The following NYAP2 variants were observed in gnomAD, a reference collection of about 807,000 sequenced individuals.
NYAP2 encodes neuronal tyrosine-phosphorylated phosphoinositide-3-kinase adaptor 2, also known as neuronal tyrosine-phosphorylated phosphoinositide-3-kinase adapter 2.
In NYAP2, 23 loss-of-function variants were observed where a neutral mutation model predicts 50.4. The observed-to-expected ratio is 0.46, with a 90% CI of 0.33 to 0.65. NYAP2 has a LOEUF of 0.65. NYAP2 is among the 30% of genes least tolerant of loss of function. The pLI is 0.02. For synonymous variants in NYAP2, 394 were observed against 365.2 expected, an observed-to-expected ratio of 1.08 and a Z score of -0.90; for missense variants, 885 against 861.0, an observed-to-expected ratio of 1.03 and a Z score of -0.35.
At chr2:225,610,873 G>A (rs1206603678) in intron 5 of NYAP2, among the ~76,000 whole-genome samples, 2 of 152,130 alleles carry the variant, frequency 1.3e-5, no homozygotes, top group South Asian at 4.1e-4. Context: ...AATCTTAATA[G>A]CAAGGCTTTC....
At chr2:225,420,589 T>A (rs1695198272) in intron 3 of NYAP2, among the ~76,000 whole-genome samples, 2 of 138,350 alleles carry the variant, frequency 1.4e-5, no homozygotes, top group Non-Finnish European at 1.5e-5. Flanking sequence ...AGAGGAGTTC[T>A]TTTTTCTTTT....
intron 3 of NYAP2, among the ~76,000 whole-genome samples, chr2:225,511,844 A>C (rs2106184425): frequency 1.3e-5 from 2 of 152,352 alleles, no homozygotes; most frequent in African/African-American, 4.8e-5. Context: ...ATGAAGGCAG[A>C]GCCAGCCAAA....
chr2:225,597,295 C>G (rs1020298201), intron 5 of NYAP2, among the ~76,000 whole-genome samples: 4 of 151,046 alleles, frequency 2.6e-5, no homozygotes, highest in African/African-American at 9.7e-5. Context: ...CACTCACCCC[C>G]CTCCCACCCT....
chr2:225,693,759 C>T, the NYAP2 span, among the ~76,000 whole-genome samples: 178 of 152,080 alleles, frequency 1.2e-3, 1 homozygote, highest in East Asian at 0.032. Context: ...CCTCTTAGTA[C>T]CATCACCTCG....
chr2:225,402,593 A>T (rs1334908880), intron 2 of NYAP2, among the ~76,000 whole-genome samples: 1 of 152,074 alleles, frequency 6.6e-6, no homozygotes, highest in Admixed American at 6.6e-5. Context: ...AACACGATTT[A>T]TGCCTATCTT....
At chr2:225,698,877 G>T in the NYAP2 span, 1 of 151,394 alleles carries the variant, frequency 6.6e-6, no homozygotes, top group Non-Finnish European at 1.5e-5. Context: ...TAACTGGTTT[G>T]TTATCTCTTT....
intron 3 of NYAP2, among the ~76,000 whole-genome samples, chr2:225,428,578 G>A (rs1695319733): frequency 2.0e-5 from 3 of 152,206 alleles, no homozygotes; most frequent in South Asian, 2.1e-4. Flanking sequence ...ACAAAGACAG[G>A]TGACAAGCCA....
At chr2:225,425,491 G>A (rs935470765) in intron 3 of NYAP2, among the ~76,000 whole-genome samples, 9 of 152,078 alleles carry the variant, frequency 5.9e-5, no homozygotes, top group Admixed American at 2.0e-4. Flanking sequence ...GCACAAGTAC[G>A]GTATTTTATA....
intron 3 of NYAP2, among the ~76,000 whole-genome samples, chr2:225,438,568 A>G (rs1296976083): frequency 1.3e-5 from 2 of 152,256 alleles, no homozygotes; most frequent in Non-Finnish European, 2.9e-5. Flanking sequence ...AATAACTTAC[A>G]TAATATCTTT....
At chr2:225,540,072 C>T (rs555743914) in intron 4 of NYAP2, among the ~76,000 whole-genome samples, 1 of 152,304 alleles carries the variant, frequency 6.6e-6, no homozygotes, top group South Asian at 2.1e-4. Context: ...TCTGAGACCA[C>T]GTCAGCCTGG....
chr2:225,663,041 GTCAT>G, the NYAP2 span, among the ~76,000 whole-genome samples: 1 of 152,218 alleles, frequency 6.6e-6, no homozygotes, highest in South Asian at 2.1e-4. Flanking sequence ...TTCATTTTCA[GTCAT>G]TCGTTTATTT....
intron 3 of NYAP2, among the ~76,000 whole-genome samples, chr2:225,480,302 T>G (rs1690184082): frequency 6.6e-6 from 1 of 152,100 alleles, no homozygotes; most frequent in Non-Finnish European, 1.5e-5. Flanking sequence ...ATCTAAGATT[T>G]ATATATGTAT....
At chr2:225,463,442 T>C (rs1172220681) in intron 3 of NYAP2, among the ~76,000 whole-genome samples, 3 of 152,278 alleles carry the variant, frequency 2.0e-5, no homozygotes, top group Admixed American at 6.5e-5. Context: ...TGTGAATAAT[T>C]TGATCTCTTT....
the NYAP2 span, among the ~76,000 whole-genome samples, chr2:225,695,729 T>C: frequency 8.6e-5 from 13 of 151,980 alleles, no homozygotes; most frequent in Non-Finnish European, 1.9e-4. Context: ...TTATGAAATA[T>C]TGTAAGTCTT....
chr2:225,408,779 G>T, intron 2 of NYAP2, 85 bp from the exon 3 acceptor site: 1 of 680,842 alleles, frequency 1.5e-6, no homozygotes, highest in Non-Finnish European at 2.6e-6. Flanking sequence ...ATAATTATTG[G>T]AGTTTTGAGT....
chr2:225,561,903 A>C (rs927430847), intron 4 of NYAP2, among the ~76,000 whole-genome samples: 3 of 150,852 alleles, frequency 2.0e-5, no homozygotes, highest in Non-Finnish European at 3.0e-5. Context: ...TTTTTTTTTC[A>C]TGTTTGCTTC....
Position 225,417,498 on chromosome 2 carries a change from G to A in NYAP2, c.221+8397G>A, listed in dbSNP as rs371338336. On this transcript the variant is annotated intron_variant, in intron 3 of 6. Transcript: ENST00000636099. ...ATGTCCATACTGGAATGTAAATATA[G>A]CCAGCCTGCTAGGAAGCAGAAAAAA... is the stretch of plus-strand genomic sequence containing the variant. Among the ~76,000 whole-genome samples, 4 of 152,028 alleles carry A rather than the reference G, an allele frequency of 2.6e-5. No individual in the cohort carries two copies. In the South Asian group the frequency reaches 8.3e-4, roughly 32 times the overall value.
At chr2:225,551,452 G>T (rs1272810038) in intron 4 of NYAP2, among the ~76,000 whole-genome samples, 1 of 152,212 alleles carries the variant, frequency 6.6e-6, no homozygotes, top group Non-Finnish European at 1.5e-5. Context: ...GAATGTAGTA[G>T]CATGAGAGAC....
chr2:225,620,840 G>C (rs1339452622), intron 5 of NYAP2, among the ~76,000 whole-genome samples: 2 of 152,186 alleles, frequency 1.3e-5, no homozygotes, highest in Non-Finnish European at 2.9e-5. Flanking sequence ...AGAGGGCCAG[G>C]CGCGGTGGCT....
Sources: allele counts gnomAD v4.1 joint callset (sites outside exome capture counted in the v4.1 genomes callset), GRCh38; gene constraint gnomAD v4.1.1; transcripts MANE v1.5; gene names NCBI Gene and HGNC (gene_info 2026-07-23, HGNC 2026-07-21).